The following TGFBR3 variants were observed in gnomAD, a reference collection of about 807,000 sequenced individuals.
The protein encoded by TGFBR3 is transforming growth factor beta receptor type 3.
Under a neutral mutation model 87.9 loss-of-function variants are expected in TGFBR3, and 46 were observed. The observed-to-expected ratio is 0.52, with a 90% CI of 0.41 to 0.67. The LOEUF (loss-of-function observed/expected upper bound fraction) is 0.67. Among genes scored for constraint, TGFBR3 ranks in the 30% least tolerant of loss-of-function variants. TGFBR3 has a pLI of 0.00. For synonymous variants in TGFBR3, 381 were observed against 391.6 expected, an observed-to-expected ratio of 0.97 and a Z score of 0.32; for missense variants, 866 against 1,041.9, an observed-to-expected ratio of 0.83 and a Z score of 2.32.
At chr1:91,834,294 A>C (rs542357870) in intron 2 of TGFBR3, among the ~76,000 whole-genome samples, 1 of 152,340 alleles carries the variant, frequency 6.6e-6, no homozygotes, top group South Asian at 2.1e-4. Flanking sequence ...TCCTTTCTAG[A>C]AAATCTTCAC....
chr1:91,732,037 C>G (rs79431786), intron 5 of TGFBR3, among the ~76,000 whole-genome samples: 7,481 of 152,208 alleles, frequency 0.049, 265 homozygotes, highest in Non-Finnish European at 0.072. Flanking sequence ...AAGGGGAATT[C>G]CCGGGTAGAA....
intron 13 of TGFBR3, among the ~76,000 whole-genome samples, chr1:91,710,789 T>G (rs546580391): frequency 4.9e-4 from 74 of 152,294 alleles, no homozygotes; most frequent in African/African-American, 1.7e-3. Context: ...GAGACTGGCT[T>G]AAAGTCCCAT....
At chr1:91,745,885 T>G (rs1175069779) in intron 4 of TGFBR3, among the ~76,000 whole-genome samples, 2 of 152,364 alleles carry the variant, frequency 1.3e-5, no homozygotes, top group South Asian at 4.1e-4. Flanking sequence ...CTGCCAATCA[T>G]GCATTCATGA....
intron 2 of TGFBR3, among the ~76,000 whole-genome samples, chr1:91,833,612 A>T (rs747184155): frequency 6.6e-6 from 1 of 151,824 alleles, no homozygotes; most frequent in African/African-American, 2.4e-5. Context: ...TACTAAAAAT[A>T]AAAATTAAAA....
At chr1:91,890,407 A>ATTTTTTTT, upstream of TGFBR3, among the ~76,000 whole-genome samples, 1 of 57,886 alleles carries the variant, frequency 1.7e-5, no homozygotes, top group Non-Finnish European at 3.9e-5. Context: ...TTTCTCTATA[A>ATTTTTTTT]TCTTTTTTTT....
intron 3 of TGFBR3, among the ~76,000 whole-genome samples, chr1:91,784,589 A>C (rs1674890714): frequency 6.6e-6 from 1 of 152,190 alleles, no homozygotes; most frequent in African/African-American, 2.4e-5. Flanking sequence ...GAAATGGAGG[A>C]GGGTAAAGCA....
At chr1:91,792,204 C>CT (rs1675220232) in intron 3 of TGFBR3, among the ~76,000 whole-genome samples, 1 of 152,184 alleles carries the variant, frequency 6.6e-6, no homozygotes, top group Non-Finnish European at 1.5e-5. Context: ...CTGCACCCTT[C>CT]TTTTTCCCTT....
intron 3 of TGFBR3, among the ~76,000 whole-genome samples, chr1:91,796,466 C>T (rs942618336): frequency 8.5e-5 from 13 of 152,222 alleles, no homozygotes; most frequent in African/African-American, 2.9e-4. Context: ...GCTAATGTCA[C>T]CGCCACCTTT....
At chr1:91,883,951 C>A (rs1283970829) in intron 1 of TGFBR3, among the ~76,000 whole-genome samples, 1 of 152,168 alleles carries the variant, frequency 6.6e-6, no homozygotes, top group Non-Finnish European at 1.5e-5. Flanking sequence ...CCTGTGCCAA[C>A]CCCAAGCTGT....
At chr1:91,693,211 G>A (rs900483600) in intron 16 of TGFBR3, among the ~76,000 whole-genome samples, 2 of 152,164 alleles carry the variant, frequency 1.3e-5, no homozygotes, top group Non-Finnish European at 2.9e-5. Context: ...TGAACCAGAG[G>A]CTACAGTTTT....
intron 3 of TGFBR3, among the ~76,000 whole-genome samples, chr1:91,762,100 T>C (rs1376390987): frequency 6.6e-6 from 1 of 152,160 alleles, no homozygotes; most frequent in African/African-American, 2.4e-5. Flanking sequence ...ACTGGGACCA[T>C]GCAAGCTGTG....
At chr1:91,748,921 C>T (rs1411427335) in intron 4 of TGFBR3, among the ~76,000 whole-genome samples, 1 of 152,038 alleles carries the variant, frequency 6.6e-6, no homozygotes, top group African/African-American at 2.4e-5. Context: ...TAAGCTCATA[C>T]ATGTAAGTAC....
chr1:91,773,843 G>A (rs1410677178), intron 3 of TGFBR3, among the ~76,000 whole-genome samples: 1 of 152,210 alleles, frequency 6.6e-6, no homozygotes, highest in Admixed American at 6.5e-5. Context: ...GTGAATACTA[G>A]AGAACAAAAT....
chr1:91,794,499 G>A (rs904755694), intron 3 of TGFBR3, among the ~76,000 whole-genome samples: 1 of 145,120 alleles, frequency 6.9e-6, no homozygotes, highest in Non-Finnish European at 1.6e-5. Context: ...CACCTCGCCC[G>A]GCCTCCACTT....
At chr1:91,836,804 C>T (rs1469628841) in intron 2 of TGFBR3, among the ~76,000 whole-genome samples, 2 of 152,072 alleles carry the variant, frequency 1.3e-5, no homozygotes, top group Non-Finnish European at 2.9e-5. Context: ...AACATTTTGC[C>T]ATGACAGTAT....
intron 1 of TGFBR3, among the ~76,000 whole-genome samples, chr1:91,868,095 T>C (rs1331983495): frequency 1.3e-5 from 2 of 152,156 alleles, no homozygotes; most frequent in Non-Finnish European, 2.9e-5. Context: ...TTTTTGTATT[T>C]TTAGTAGAGA....
In TGFBR3 at chr1:91,684,559, C is replaced by T. The variant is rs1279972763; in HGVS notation, c.2438-702G>A. The stretch of plus-strand genomic sequence containing the variant: ...GGGGTGCAGTGTGAGTATCTCCTAA[C>T]ACTTTAAGCATCCCACTTTTCATTA... On this transcript the variant is annotated intron_variant, in intron 16 of 16. Transcript: ENST00000212355. 2.0e-5 allele frequency among the ~76,000 whole-genome samples: 3 copies of T among 152,210 alleles called. No individual in the cohort carries two copies. In the East Asian group the frequency reaches 5.8e-4, roughly 29 times the overall value.
rs1447076437 is a variant in TGFBR3 at position 91,680,825 on chromosome 1, A to C, written c.*2914T>G. The C allele has an allele frequency of 2.2e-6, 1 of 451,954 alleles. No homozygotes were observed. The highest frequency in any genetic ancestry group is 4.4e-6 in the Non-Finnish European group (1 of 225,448). 28.0% of individuals were successfully genotyped at this position (451,954 alleles called of 1,614,324 possible). A position where few individuals can be genotyped will look rare whatever the true frequency, so the allele number is the denominator to read the frequency against. On this transcript the variant is annotated 3_prime_UTR_variant, in exon 17 of 17. Transcript: ENST00000212355. ...ATGCCCACTAAGAACACAAGCAGGA[A>C]ATGGATTTACAATCTTATTACAAGG...
In TGFBR3 at chr1:91,849,906, C is replaced by A. The variant is rs1220772114; in HGVS notation, c.61+11565G>T. Among the ~76,000 whole-genome samples, 4 of 151,844 alleles carry A rather than the reference C, an allele frequency of 2.6e-5. No homozygotes were observed. In the East Asian group the frequency reaches 5.8e-4, roughly 22 times the overall value. ...GACCATCCTGGCTAACACGGTGAAA[C>A]CCCGTCTCTGCTAAAAATACAAAAA... is the stretch of plus-strand genomic sequence containing the variant. On this transcript the variant is annotated intron_variant, in intron 2 of 16. Coordinates refer to ENST00000212355, the MANE Select transcript of TGFBR3 (RefSeq NM_003243.5).
Sources: allele counts gnomAD v4.1 joint callset (sites outside exome capture counted in the v4.1 genomes callset), GRCh38; gene constraint gnomAD v4.1.1; transcripts MANE v1.5; gene names NCBI Gene and HGNC (gene_info 2026-07-23, HGNC 2026-07-21).